WWOX: variants seen among roughly 807,000 people sequenced by gnomAD.
The protein encoded by WWOX is WW domain-containing oxidoreductase.
A neutral mutation model predicts 46.2 loss-of-function variants in WWOX; 69 were observed. The observed-to-expected ratio is 1.49, with a 90% CI of 1.23 to 1.82. The LOEUF is 1.82. Ranked by LOEUF, WWOX falls within the 40% of genes most tolerant of loss-of-function variation. The probability of loss-of-function intolerance (pLI) is 0.00; values close to 1 mark genes in which losing one functional copy is unlikely to be tolerated. For missense variants in WWOX, 919 were observed against 542.6 expected (o/e 1.69, Z -6.89); for synonymous variants, 359 against 202.6 (o/e 1.77, Z -6.56).
intron 8 of WWOX, among the ~76,000 whole-genome samples, chr16:78,561,581 C>G (rs1376612740): frequency 3.3e-5 from 5 of 151,460 alleles, no homozygotes; most frequent in South Asian, 2.1e-4. Flanking sequence ...ATCAAAGCCC[C>G]ATTTTTTTTT....
At chr16:78,963,939 C>T (rs1183782897) in intron 8 of WWOX, among the ~76,000 whole-genome samples, 1 of 152,114 alleles carries the variant, frequency 6.6e-6, no homozygotes, top group East Asian at 1.9e-4. Context: ...TTCATAAGAT[C>T]CAATGAATTT....
chr16:78,913,978 C>G (rs1030715717), intron 8 of WWOX, among the ~76,000 whole-genome samples: 3 of 151,874 alleles, frequency 2.0e-5, no homozygotes, highest in Non-Finnish European at 4.4e-5. Context: ...CTATTCCAGA[C>G]AAGAAATTGT....
intron 8 of WWOX, among the ~76,000 whole-genome samples, chr16:78,777,212 TC>T (rs1198086814): frequency 6.6e-6 from 1 of 152,110 alleles, no homozygotes; most frequent in Non-Finnish European, 1.5e-5. Flanking sequence ...GTATTTTTTT[TC>T]CCATCTCTTC....
chr16:78,487,206 G>T (rs1367413491), intron 8 of WWOX, among the ~76,000 whole-genome samples: 2 of 151,656 alleles, frequency 1.3e-5, no homozygotes, highest in East Asian at 3.9e-4. Context: ...TTTTTTCTCA[G>T]TTTTTTTTCC....
In WWOX at chr16:78,682,184, G is replaced by T. The variant is rs182543625; in HGVS notation, c.1056+249432G>T. On this transcript the variant is annotated intron_variant, in intron 8 of 8. Transcript: ENST00000566780. ...ATTATTTTTTACACCTACAAATCAGGATCTGCTACAATCGCTTGATATTTG... is the reference window on the plus strand; with the variant it reads ...ATTATTTTTTACACCTACAAATCAGTATCTGCTACAATCGCTTGATATTTG... 3.3e-5 allele frequency among the ~76,000 whole-genome samples: 5 copies of T among 152,216 alleles called. No homozygotes were observed. The East Asian group carries it at 7.7e-4, about 23-fold the overall frequency.
At chr16:78,889,715 G>T (rs1032208894) in intron 8 of WWOX, among the ~76,000 whole-genome samples, 1 of 152,092 alleles carries the variant, frequency 6.6e-6, no homozygotes, top group Admixed American at 6.5e-5. Context: ...AATTTCTGCA[G>T]GTATTTTCCC....
intron 8 of WWOX, among the ~76,000 whole-genome samples, chr16:78,880,992 C>CTTTT (rs71140838): frequency 2.6e-5 from 3 of 113,526 alleles, no homozygotes; most frequent in Non-Finnish European, 5.2e-5. Flanking sequence ...AATTTTTTTT[C>CTTTT]TTTTTTTTTT....
At chr16:78,780,600 A>G (rs901333370) in intron 8 of WWOX, among the ~76,000 whole-genome samples, 2 of 152,164 alleles carry the variant, frequency 1.3e-5, no homozygotes. Context: ...ACTTCGGGGG[A>G]GGAGGAAAGA....
chr16:78,762,756 CTGTGTAT>C (rs2049825315), intron 8 of WWOX, among the ~76,000 whole-genome samples: 1 of 152,166 alleles, frequency 6.6e-6, no homozygotes, highest in Non-Finnish European at 1.5e-5. Context: ...TACATCCCAG[CTGTGTAT>C]TGTGGGGCAA....
In WWOX at chr16:78,227,917, A is replaced by G. The variant is rs141434612; in HGVS notation, c.516+63628A>G. On this transcript the variant is annotated intron_variant, in intron 5 of 8. Coordinates refer to ENST00000566780, the MANE Select transcript of WWOX (RefSeq NM_016373.4). ...GAAACATACCGGGAGATCTGGTTCT[A>G]TTGAACCCCAGTGCAGCCATGGGTA... Among the ~76,000 whole-genome samples, 667 of 152,208 alleles carry G rather than the reference A, an allele frequency of 4.4e-3. 4 individuals carry two copies. Among genetic ancestry groups the G allele is most frequent in the African/African-American group, 0.015 (618 of 41,526 alleles).
intron 8 of WWOX, among the ~76,000 whole-genome samples, chr16:78,818,666 G>T (rs138614110): frequency 1.1e-4 from 16 of 152,342 alleles, no homozygotes; most frequent in African/African-American, 3.6e-4. Flanking sequence ...CGTAGGTCGA[G>T]GCTGCAGTGA....
chr16:78,246,967 T>G (rs1342275028), intron 5 of WWOX, among the ~76,000 whole-genome samples: 2 of 152,146 alleles, frequency 1.3e-5, no homozygotes, highest in Admixed American at 1.3e-4. Flanking sequence ...GCAGTATCAG[T>G]CTGTGCAGTT....
intron 8 of WWOX, among the ~76,000 whole-genome samples, chr16:78,444,654 C>T (rs1046755393): frequency 2.6e-5 from 4 of 151,850 alleles, no homozygotes; most frequent in Admixed American, 6.6e-5. Context: ...CCTCAGACTC[C>T]CGAGTAGCTA....
chr16:78,106,485 C>T (rs1486350826), intron 1 of WWOX, among the ~76,000 whole-genome samples: 2 of 139,152 alleles, frequency 1.4e-5, no homozygotes, highest in East Asian at 4.5e-4. Context: ...TGCACGATCT[C>T]AGCTCACCGC....
Position 78,902,298 on chromosome 16 carries a change from C to G in WWOX, c.1057-309310C>G, listed in dbSNP as rs1220557023. 3.3e-5 allele frequency among the ~76,000 whole-genome samples: 5 copies of G among 152,328 alleles called. No individual in the cohort carries two copies. In the South Asian group the frequency reaches 8.3e-4, roughly 25 times the overall value. ...TATCTTTTTCAGAACTGCATCTCTG[C>G]AGCATAATTGATATTACAGGAATGA... is the stretch of plus-strand genomic sequence containing the variant. On this transcript the variant is annotated intron_variant, in intron 8 of 8. Coordinates refer to ENST00000566780, the MANE Select transcript of WWOX (RefSeq NM_016373.4).
chr16:78,685,393 A>G (rs763510109), intron 8 of WWOX, among the ~76,000 whole-genome samples: 5 of 152,140 alleles, frequency 3.3e-5, no homozygotes, highest in Non-Finnish European at 1.5e-5. Context: ...TAAGGCCATA[A>G]AGAGCTAAGT....
At chr16:79,072,516 A>G (rs945295537) in intron 8 of WWOX, among the ~76,000 whole-genome samples, 1 of 152,220 alleles carries the variant, frequency 6.6e-6, no homozygotes, top group Non-Finnish European at 1.5e-5. Context: ...AAGCTACACC[A>G]TTCATCTAGA....
intron 5 of WWOX, among the ~76,000 whole-genome samples, chr16:78,361,020 A>G (rs898489180): frequency 6.6e-6 from 1 of 152,054 alleles, no homozygotes; most frequent in African/African-American, 2.4e-5. Context: ...GCAGGGTTTC[A>G]TCATGTTGCA....
chr16:78,329,937 G>C (rs992425231), intron 5 of WWOX, among the ~76,000 whole-genome samples: 2 of 151,912 alleles, frequency 1.3e-5, no homozygotes, highest in South Asian at 2.1e-4. Context: ...GTAGAGACAA[G>C]TTCTTGCTAT....
Sources: allele counts gnomAD v4.1 joint callset (sites outside exome capture counted in the v4.1 genomes callset), GRCh38; gene constraint gnomAD v4.1.1; transcripts MANE v1.5; gene names NCBI Gene and HGNC (gene_info 2026-07-23, HGNC 2026-07-21).